Variants in CEP112 observed in about 807,000 individuals in gnomAD.
CEP112 encodes centrosomal protein 112.
Under a neutral mutation model 153.0 loss-of-function variants are expected in CEP112, and 127 were observed. That is an observed-to-expected ratio of 0.83 (90% CI 0.72 to 0.96). The LOEUF (loss-of-function observed/expected upper bound fraction) is 0.96. Ranked by LOEUF, CEP112 falls within the 40% of genes least tolerant of loss-of-function variation. The probability of loss-of-function intolerance (pLI) is 0.00; values close to 1 mark genes in which losing one functional copy is unlikely to be tolerated. For synonymous variants in CEP112, 358 were observed against 374.4 expected, an observed-to-expected ratio of 0.96 and a Z score of 0.51; for missense variants, 1,089 against 1,101.2, an observed-to-expected ratio of 0.99 and a Z score of 0.16.
intron 24 of CEP112, among the ~76,000 whole-genome samples, chr17:65,670,488 CA>C (rs1265302152): frequency 7.9e-5 from 12 of 152,082 alleles, no homozygotes; most frequent in African/African-American, 2.2e-4. Flanking sequence ...TGAATAACAA[CA>C]AGTGTCAACT....
At chr17:66,155,373 T>C (rs1048568361) in intron 4 of CEP112, among the ~76,000 whole-genome samples, 3 of 152,086 alleles carry the variant, frequency 2.0e-5, no homozygotes, top group Non-Finnish European at 2.9e-5. Context: ...TTACTAGACT[T>C]TTCCCATGGT....
chr17:66,118,747 A>T (rs544095124), intron 6 of CEP112, among the ~76,000 whole-genome samples: 17 of 152,318 alleles, frequency 1.1e-4, no homozygotes, highest in African/African-American at 4.1e-4. Flanking sequence ...AGAAATGGTA[A>T]ATGTTTGAGG....
chr17:65,781,604 T>C (rs1481774904), intron 21 of CEP112, among the ~76,000 whole-genome samples: 1 of 151,838 alleles, frequency 6.6e-6, no homozygotes, highest in Non-Finnish European at 1.5e-5. Context: ...CTTCAAACTA[T>C]ACTATAAGGC....
At chr17:65,864,913 AGTGTGTGT>A (rs6146121) in intron 20 of CEP112, among the ~76,000 whole-genome samples, 5,215 of 144,352 alleles carry the variant, frequency 0.036, 105 homozygotes, top group South Asian at 0.069. Context: ...GGGGTAAGCA[AGTGTGTGT>A]GTGTGTGTGT....
chr17:65,714,280 A>G (rs2049370725), intron 23 of CEP112, among the ~76,000 whole-genome samples: 1 of 152,224 alleles, frequency 6.6e-6, no homozygotes, highest in East Asian at 1.9e-4. Context: ...CCCACAATGT[A>G]AAGATGTAAC....
intron 11 of CEP112, among the ~76,000 whole-genome samples, chr17:66,060,684 G>A (rs2066888515): frequency 1.3e-5 from 2 of 152,080 alleles, no homozygotes; most frequent in African/African-American, 4.8e-5. Flanking sequence ...AAATGGTGCT[G>A]GGGAAACTGG....
intron 21 of CEP112, among the ~76,000 whole-genome samples, chr17:65,767,891 A>G (rs1206443022): frequency 2.0e-5 from 3 of 152,142 alleles, no homozygotes; most frequent in African/African-American, 7.2e-5. Context: ...AATCTCCCCA[A>G]GAAAGAAAAG....
intron 12 of CEP112, among the ~76,000 whole-genome samples, chr17:66,045,346 A>G (rs891903223): frequency 4.6e-5 from 7 of 152,204 alleles, no homozygotes; most frequent in African/African-American, 1.4e-4. Context: ...CTGGGGTTAC[A>G]GGCGTGAGCC....
chr17:66,044,830 T>C (rs2066134553), intron 12 of CEP112, among the ~76,000 whole-genome samples: 1 of 152,146 alleles, frequency 6.6e-6, no homozygotes, highest in African/African-American at 2.4e-5. Flanking sequence ...TATATACTTA[T>C]AATTATTAAA....
chr17:66,059,650 A>T (rs1326785391), intron 11 of CEP112, among the ~76,000 whole-genome samples: 1 of 152,210 alleles, frequency 6.6e-6, no homozygotes, highest in Non-Finnish European at 1.5e-5. Flanking sequence ...TAAAAACAAC[A>T]GATGCTGGCA....
chr17:65,711,018 A>G (rs1172633423), intron 23 of CEP112, among the ~76,000 whole-genome samples: 2 of 152,202 alleles, frequency 1.3e-5, no homozygotes, highest in Non-Finnish European at 2.9e-5. Flanking sequence ...GTGAGACAGC[A>G]TGGCTCGTTG....
intron 20 of CEP112, among the ~76,000 whole-genome samples, chr17:65,883,690 T>C (rs753435593): frequency 2.6e-5 from 4 of 152,182 alleles, no homozygotes; most frequent in Non-Finnish European, 4.4e-5. Context: ...TTACTCTAAG[T>C]GCAAGCTATG....
At chr17:66,014,265 C>T (rs1229199392) in intron 16 of CEP112, among the ~76,000 whole-genome samples, 1 of 152,138 alleles carries the variant, frequency 6.6e-6, no homozygotes, top group Non-Finnish European at 1.5e-5. Flanking sequence ...CTCTGGCAAT[C>T]TGGCACAGTC....
At chr17:66,107,769 T>C (rs559082925) in intron 6 of CEP112, among the ~76,000 whole-genome samples, 4 of 152,084 alleles carry the variant, frequency 2.6e-5, no homozygotes, top group Non-Finnish European at 5.9e-5. Flanking sequence ...ACCAACAACA[T>C]TCTTCACAAA....
chr17:65,923,088 C>T (rs750585605), intron 19 of CEP112, among the ~76,000 whole-genome samples: 59 of 152,236 alleles, frequency 3.9e-4, no homozygotes, highest in African/African-American at 1.3e-3. Context: ...TGTGTCAGAA[C>T]GACTTTCAGT....
chr17:65,680,074 T>C (rs2047440190), intron 24 of CEP112, among the ~76,000 whole-genome samples: 1 of 152,202 alleles, frequency 6.6e-6, no homozygotes, highest in South Asian at 2.1e-4. Context: ...ATAGGAGAGA[T>C]TTGAAAGAAA....
intron 18 of CEP112, among the ~76,000 whole-genome samples, chr17:65,935,715 A>G (rs534577909): frequency 5.2e-4 from 79 of 152,222 alleles, no homozygotes; most frequent in Non-Finnish European, 2.5e-4. Flanking sequence ...TGAGACAAAC[A>G]AAAACGGGAC....
At chr17:66,062,841 G>A in intron 11 of CEP112, 122 bp downstream of exon 11, 1 of 477,564 alleles carries the variant, frequency 2.1e-6, no homozygotes. Flanking sequence ...TAAACAGCCT[G>A]GAATTTTAGT....
At chr17:66,171,254 A>C (rs961315468) in intron 4 of CEP112, among the ~76,000 whole-genome samples, 1 of 152,182 alleles carries the variant, frequency 6.6e-6, no homozygotes, top group Non-Finnish European at 1.5e-5. Context: ...TTCACATACA[A>C]AAAGGTCTAA....
Sources: gnomAD v4.1 joint callset for allele counts (sites outside exome capture counted in the v4.1 genomes callset) on GRCh38, gnomAD v4.1.1 for gene constraint, MANE v1.5 for transcripts, NCBI Gene and HGNC (gene_info 2026-07-23, HGNC 2026-07-21) for gene names.